CCDC18: variants seen among roughly 807,000 people sequenced by gnomAD.
CCDC18 encodes coiled-coil domain containing 18.
In CCDC18, 157 loss-of-function variants were observed where a neutral mutation model predicts 196.0. That is an observed-to-expected ratio of 0.80 (90% CI 0.70 to 0.91). The LOEUF is 0.91. Ranked by LOEUF, CCDC18 falls within the 40% of genes least tolerant of loss-of-function variation. The pLI is 0.00. For missense variants in CCDC18, 1,465 were observed against 1,611.6 expected, an observed-to-expected ratio of 0.91 and a Z score of 1.56; for synonymous variants, 482 against 529.2, an observed-to-expected ratio of 0.91 and a Z score of 1.22.
rs373889271 is a variant in CCDC18, at chr1:93,256,535, G to A, written c.3543G>A (p.Glu1181=). The A allele has an allele frequency of 6.2e-7, 1 of 1,606,996 alleles. No homozygotes were observed. Residue 1181 remains glutamate (E), a synonymous_variant, in exon 25 of 29, where the codon GAG becomes GAA. Coordinates refer to ENST00000690025, the MANE Select transcript of CCDC18 (RefSeq NM_001378204.1). The stretch of plus-strand genomic sequence containing the variant: ...AGGATATGAAGCAACTCTCTAAAGA[G>A]AAAGTAATCCCTATTTTAAATAATC... ...ELEDMKQLSK[E]KDAHGNHLAE...
chr1:93,200,275 C>G (rs182567056), intron 6 of CCDC18, among the ~76,000 whole-genome samples: 1 of 149,006 alleles, frequency 6.7e-6, no homozygotes, highest in African/African-American at 2.5e-5. Flanking sequence ...ACACCCAGCA[C>G]ATAACAATTT....
chr1:93,270,719 G>A lies in CCDC18; in HGVS notation c.4258G>A (p.Asp1420Asn). Residue 1420 changes from aspartate (D) to asparagine (N), a missense_variant, in exon 28 of 29, where the codon GAC becomes AAC. By Grantham distance (23) the Asp-to-Asn change is conservative. Transcript: ENST00000690025. ...AGAAGCTGATAGTTCTGAGAATAAT[G>A]ACTTTAACACGCTTAGTGGGATGCT... ...NLEADSSENNDFNTLSGMLRY... is the reference protein window; with the variant it reads ...NLEADSSENNNFNTLSGMLRY... The A allele has an allele frequency of 6.5e-7, 1 of 1,550,214 alleles. No homozygotes were observed. The highest frequency in any genetic ancestry group is 1.2e-5 in the South Asian group (1 of 84,012).
intron 17 of CCDC18, among the ~76,000 whole-genome samples, chr1:93,227,971 AATAT>A (rs1553175509): frequency 1.6e-5 from 2 of 125,356 alleles, no homozygotes; most frequent in African/African-American, 6.8e-5. Context: ...AAAAAAAAAA[AATAT>A]ATATATATAT....
At chr1:93,206,125 C>T (rs752182743) in intron 8 of CCDC18, among the ~76,000 whole-genome samples, 1 of 40,208 alleles carries the variant, frequency 2.5e-5, no homozygotes, top group Non-Finnish European at 1.2e-4. Flanking sequence ...AAAACTAACA[C>T]CCATCAACTT....
At position 93,186,500 on chromosome 1, in the gene CCDC18, A is replaced by G. The variant is rs199719529; in HGVS notation, c.459A>G (p.Ala153=). Reference sequence around the variant, plus strand: ...ACTTTGAATTAACACAGTCAAGAGCAAAAGTATGTATCTTGAAATAAGTTT... The same window carrying G: ...ACTTTGAATTAACACAGTCAAGAGCGAAAGTATGTATCTTGAAATAAGTTT... ...SIHFELTQSR[A]KVSMLESAQQ... is the part of the protein sequence containing the mutation. Residue 153 remains alanine (A), a synonymous_variant, in exon 4 of 29, where the codon GCA becomes GCG. Coordinates refer to ENST00000690025, the MANE Select transcript of CCDC18 (RefSeq NM_001378204.1). 3.7e-3 allele frequency: 5,936 copies of G among 1,591,164 alleles called. 18 individuals carry two copies. Among genetic ancestry groups the G allele is most frequent in the Non-Finnish European group, 4.4e-3 (5,116 of 1,168,996 alleles).
intron 11 of CCDC18, among the ~76,000 whole-genome samples, chr1:93,213,809 G>A (rs959686251): frequency 2.6e-5 from 4 of 151,802 alleles, no homozygotes; most frequent in Non-Finnish European, 5.9e-5. Flanking sequence ...AATTAGAGGT[G>A]GTAATAAATA....
chr1:93,270,752 A>G lies in CCDC18; in HGVS notation c.4291A>G (p.Ile1431Val). 6.5e-7 allele frequency: 1 copy of G among 1,548,558 alleles called. No homozygotes were observed. Among genetic ancestry groups the G allele is most frequent in the Non-Finnish European group, 8.7e-7 (1 of 1,146,422 alleles). ...FNTLSGMLRYINKEVRLLKKS... is the reference protein window; with the variant it reads ...FNTLSGMLRYVNKEVRLLKKS... ...CACGCTTAGTGGGATGCTAAGATAC[A>G]TAAACAAAGAAGTAAGACTATTAAA... is the stretch of plus-strand genomic sequence containing the variant. The change falls in exon 28 of 29, where the codon ATA becomes GTA. Residue 1431 changes from isoleucine to valine, a missense_variant. By Grantham distance (29) the Ile-to-Val change is conservative (BLOSUM62 3). Transcript: ENST00000690025.
chr1:93,221,985 T>TC (rs1259338697), intron 16 of CCDC18, 49 bp downstream of exon 16: 1 of 1,189,368 alleles, frequency 8.4e-7, no homozygotes, highest in Non-Finnish European at 1.2e-6. Context: ...TTTTTTTTTT[T>TC]AACAGACAGA....
chr1:93,261,296 T>G (rs1663756133), intron 26 of CCDC18, among the ~76,000 whole-genome samples: 1 of 152,076 alleles, frequency 6.6e-6, no homozygotes, highest in Admixed American at 6.6e-5. Flanking sequence ...TGTGAAAAAT[T>G]TAAATATATT....
Position 93,207,896 on chromosome 1 carries a change from C to T in CCDC18, c.1209+498C>T, listed in dbSNP as rs569006594. On this transcript the variant is annotated intron_variant, in intron 9 of 28. Coordinates refer to ENST00000690025, the MANE Select transcript of CCDC18 (RefSeq NM_001378204.1). ...TAAATGAACTCGTATAATATGTGCT[C>T]TTTTGCACCTGGTCTTTTGCATTCT... is the stretch of plus-strand genomic sequence containing the variant. 2.0e-5 allele frequency among the ~76,000 whole-genome samples: 3 copies of T among 152,252 alleles called. No individual in the cohort carries two copies. In the South Asian group the frequency reaches 6.2e-4, roughly 32 times the overall value.
At chr1:93,255,120 T>C (rs1662785155) in intron 24 of CCDC18, among the ~76,000 whole-genome samples, 1 of 151,686 alleles carries the variant, frequency 6.6e-6, no homozygotes, top group Non-Finnish European at 1.5e-5. Context: ...GCCTGGCTAA[T>C]TTTTGTATTT....
At position 93,254,488 on chromosome 1, in the gene CCDC18, C is replaced by G. The variant is rs944712550; in HGVS notation, c.3216C>G (p.Asp1072Glu). 16 of 1,583,684 alleles carry G rather than the reference C, an allele frequency of 1.0e-5. No individual in the cohort carries two copies. The highest frequency in any genetic ancestry group is 1.7e-4 in the Middle Eastern group (1 of 5,790). The change falls in exon 24 of 29, where the codon GAC (aspartate) becomes GAG (glutamate). Residue 1072 changes from aspartate to glutamate, a missense_variant. By Grantham distance (45) the Asp-to-Glu change is conservative. Coordinates refer to ENST00000690025, the MANE Select transcript of CCDC18 (RefSeq NM_001378204.1). ...AAATTCAGATAGAAAGTCTGAATGACAAATTACAAAATGCTAAAGAACAGC... is the reference window on the plus strand; with the variant it reads ...AAATTCAGATAGAAAGTCTGAATGAGAAATTACAAAATGCTAAAGAACAGC... ...ECNKQIESLN[D>E]KLQNAKEQLR... is the part of the protein sequence containing the mutation.
chr1:93,216,779 G>A, intron 13 of CCDC18, 33 bp downstream of exon 13: 2 of 1,114,462 alleles, frequency 1.8e-6, no homozygotes, highest in South Asian at 2.8e-5. Context: ...CAAATTTACT[G>A]TGATTTTTAG....
At chr1:93,261,525 C>CA (rs1663789625) in intron 26 of CCDC18, among the ~76,000 whole-genome samples, 1 of 151,978 alleles carries the variant, frequency 6.6e-6, no homozygotes, top group Non-Finnish European at 1.5e-5. Flanking sequence ...GGAAGTGTGT[C>CA]AACATACCTT....
chr1:93,263,407 C>T (rs1441766423), intron 26 of CCDC18, among the ~76,000 whole-genome samples: 2 of 152,076 alleles, frequency 1.3e-5, no homozygotes, highest in Non-Finnish European at 2.9e-5. Flanking sequence ...TATGACTGTA[C>T]ACTTTCACAA....
In CCDC18 at chr1:93,212,161, T is replaced by C; in HGVS notation, c.1395T>C (p.Asn465=). The C allele has an allele frequency of 4.3e-6, 7 of 1,611,162 alleles. No individual in the cohort carries two copies. Among genetic ancestry groups the C allele is most frequent in the Non-Finnish European group, 5.9e-6 (7 of 1,179,038 alleles). Residue 465 remains asparagine, a synonymous_variant, in exon 11 of 29, where the codon AAT becomes AAC. Coordinates refer to ENST00000690025, the MANE Select transcript of CCDC18 (RefSeq NM_001378204.1). The stretch of plus-strand genomic sequence containing the variant: ...AGCTTCATGCAAACCTGACTGCAAA[T>C]CAGTTATCTCAGAGTCTTATTACTT... ...IQKLHANLTA[N]QLSQSLITCN... is the part of the protein sequence containing the mutation.
Position 93,234,936 on chromosome 1 carries a change from A to AGTGTGTGTGTGTGTGTGT in CCDC18, c.2461-1292_2461-1275dup, listed in dbSNP as rs3223482. ...GTGCATACCACCATGCCCAGCTAAGAGTGTGTGTGTGTGTGTGTGTGTGTG... is the reference window on the plus strand; with the variant it reads ...GTGCATACCACCATGCCCAGCTAAGAGTGTGTGTGTGTGTGTGTGTGTGTGTGTGTGTGTGTGTGTGTG... On this transcript the variant is annotated intron_variant, in intron 18 of 28. Transcript: ENST00000690025. Among the ~76,000 whole-genome samples the AGTGTGTGTGTGTGTGTGT allele has an allele frequency of 1.3e-3, 157 of 119,358 alleles. 2 individuals are homozygous for AGTGTGTGTGTGTGTGTGT. The highest frequency in any genetic ancestry group is 3.6e-3 in the African/African-American group (104 of 29,220). The allele number at this position is 119,358 out of a possible 152,430, so 78.3% of individuals were successfully genotyped here. A position where few individuals can be genotyped will look rare whatever the true frequency, so the allele number is the denominator to read the frequency against.
intron 7 of CCDC18, among the ~76,000 whole-genome samples, chr1:93,203,295 TAGAC>T (rs1436550859): frequency 2.0e-5 from 3 of 152,164 alleles, no homozygotes; most frequent in African/African-American, 4.8e-5. Context: ...TGAATCAAAA[TAGAC>T]AGTTTAAGAA....
chr1:93,246,948 C>T lies in CCDC18; in HGVS notation c.3192C>T (p.Asn1064=), dbSNP rs371028905. 2.6e-6 allele frequency: 3 copies of T among 1,165,918 alleles called. No individual in the cohort carries two copies. The highest frequency in any genetic ancestry group is 3.7e-6 in the Non-Finnish European group (3 of 804,076). The allele number at this position is 1,165,918 out of a possible 1,614,324, so 72.2% of individuals were successfully genotyped here. ...CAGAATTGGAACTTAAAGAATGTAA[C>T]AAACAGGTAAATTATTTTAAAATTA... ...EKSELELKEC[N]KQIESLNDKL... The change falls in exon 23 of 29, where the codon AAC becomes AAT. Residue 1064 remains asparagine (N), a synonymous_variant. Coordinates refer to ENST00000690025, the MANE Select transcript of CCDC18 (RefSeq NM_001378204.1).
Sources: gnomAD v4.1 joint callset for allele counts (sites outside exome capture counted in the v4.1 genomes callset) on GRCh38, gnomAD v4.1.1 for gene constraint, MANE v1.5 for transcripts, NCBI Gene and HGNC (gene_info 2026-07-23, HGNC 2026-07-21) for gene names.